NDST3: variants seen among roughly 807,000 people sequenced by gnomAD.
NDST3 encodes N-deacetylase and N-sulfotransferase 3.
NDST3 carries 58 observed loss-of-function variants against 96.1 expected under a neutral mutation model. The observed-to-expected ratio is 0.60, with a 90% CI of 0.49 to 0.75. The LOEUF (loss-of-function observed/expected upper bound fraction) is 0.75, where lower values mean the gene tolerates loss of function less well. NDST3 is among the 30% of genes least tolerant of loss of function. NDST3 has a pLI of 0.00. For synonymous variants in NDST3, 333 were observed against 359.7 expected (o/e 0.93, Z 0.84); for missense variants, 788 against 1,034.2 (o/e 0.76, Z 3.27).
intron 6 of NDST3, among the ~76,000 whole-genome samples, chr4:118,219,414 A>G (rs1038799027): frequency 6.6e-6 from 1 of 152,208 alleles, no homozygotes; most frequent in Non-Finnish European, 1.5e-5. Context: ...GATTATCAAC[A>G]CAACTGACAA....
At chr4:118,119,479 A>C (rs530391117) in intron 4 of NDST3, among the ~76,000 whole-genome samples, 1 of 152,282 alleles carries the variant, frequency 6.6e-6, no homozygotes, top group South Asian at 2.1e-4. Flanking sequence ...AGGTGTCCTA[A>C]TAGAGAATTC....
At chr4:118,042,121 G>C (rs1370035267) in intron 1 of NDST3, among the ~76,000 whole-genome samples, 1 of 152,036 alleles carries the variant, frequency 6.6e-6, no homozygotes, top group Non-Finnish European at 1.5e-5. Context: ...TTGTGATTTT[G>C]TTATCTAATC....
At chr4:118,249,641 A>T (rs1168123412) in intron 12 of NDST3, among the ~76,000 whole-genome samples, 1 of 152,098 alleles carries the variant, frequency 6.6e-6, no homozygotes, top group African/African-American at 2.4e-5. Flanking sequence ...ACAAAGTCAT[A>T]CAGAGGCAGA....
chr4:118,146,454 C>G (rs758951038), intron 6 of NDST3, among the ~76,000 whole-genome samples: 9 of 152,076 alleles, frequency 5.9e-5, no homozygotes, highest in Non-Finnish European at 1.2e-4. Flanking sequence ...CATATGTCAA[C>G]ATAATATCAA....
rs1045680693 is a variant in NDST3, at chr4:118,081,365, A to G, written c.982-23653A>G. ...GGACATAGCTCACAATTATGTGCATATAAAACTCAGTTTATTTTTTAAATG... is the reference window on the plus strand; with the variant it reads ...GGACATAGCTCACAATTATGTGCATGTAAAACTCAGTTTATTTTTTAAATG... On this transcript the variant is annotated intron_variant, in intron 2 of 13. Coordinates refer to ENST00000296499, the MANE Select transcript of NDST3 (RefSeq NM_004784.3). Among the ~76,000 whole-genome samples the G allele has an allele frequency of 3.9e-5, 6 of 152,180 alleles. No individual in the cohort carries two copies. The East Asian group carries it at 5.8e-4, about 15-fold the overall frequency.
chr4:118,228,382 A>G (rs1429918602), intron 8 of NDST3, among the ~76,000 whole-genome samples: 1 of 152,204 alleles, frequency 6.6e-6, no homozygotes, highest in Non-Finnish European at 1.5e-5. Flanking sequence ...TGCTTTAGAA[A>G]GTCCTGCAGG....
chr4:118,207,497 C>T lies in NDST3; in HGVS notation c.1540-16994C>T, dbSNP rs1319580978. On this transcript the variant is annotated intron_variant, in intron 6 of 13. Transcript: ENST00000296499. ...TCATCCCAATTTTGCCAAACAGGCA[C>T]CAAAATGCTTGGAGATTTATTGTTT... Among the ~76,000 whole-genome samples the T allele has an allele frequency of 3.5e-5, 5 of 144,922 alleles. 1 individual carries two copies. The highest frequency in any genetic ancestry group is 3.4e-4 in the Admixed American group (5 of 14,708).
chr4:118,128,011 T>A (rs10014096), intron 4 of NDST3, among the ~76,000 whole-genome samples: 1 of 151,838 alleles, frequency 6.6e-6, no homozygotes, highest in Non-Finnish European at 1.5e-5. Context: ...TATAGAAATG[T>A]TACTGGCTTT....
At chr4:118,076,123 C>T (rs1560625585) in intron 2 of NDST3, among the ~76,000 whole-genome samples, 1 of 152,064 alleles carries the variant, frequency 6.6e-6, no homozygotes, top group Non-Finnish European at 1.5e-5. Flanking sequence ...TGAAATGGGC[C>T]CCCAATCTTT....
chr4:118,123,161 T>C (rs1731747920), intron 4 of NDST3, among the ~76,000 whole-genome samples: 1 of 152,216 alleles, frequency 6.6e-6, no homozygotes, highest in African/African-American at 2.4e-5. Flanking sequence ...TTCTTGTGTT[T>C]GCGATCTCAG....
chr4:118,258,262 C>A lies in NDST3; in HGVS notation c.*2550C>A, dbSNP rs2126020163. On this transcript the variant is annotated 3_prime_UTR_variant, in exon 14 of 14. Transcript: ENST00000296499. ...GCAAACCTGTGAAAGGATTTTTGAC[C>A]ACTCAATGTGTCTTGAAGACAGCAT... 6.6e-6 allele frequency: 1 copy of A among 152,246 alleles called. No homozygotes were observed. The highest frequency in any genetic ancestry group is 2.1e-4 in the South Asian group (1 of 4,830). The allele number at this position is 152,246 out of a possible 1,614,324, so 9.4% of individuals were successfully genotyped here. A position where few individuals can be genotyped will look rare whatever the true frequency, so the allele number is the denominator to read the frequency against.
intron 2 of NDST3, among the ~76,000 whole-genome samples, chr4:118,088,460 G>A (rs528131682): frequency 2.0e-5 from 3 of 152,086 alleles, no homozygotes; most frequent in African/African-American, 7.2e-5. Flanking sequence ...TTTCTCAGCT[G>A]ACTCAAAATA....
intron 9 of NDST3, among the ~76,000 whole-genome samples, chr4:118,234,636 A>C (rs1325941298): frequency 1.3e-5 from 2 of 152,120 alleles, no homozygotes; most frequent in East Asian, 3.9e-4. Flanking sequence ...TTTTTGAAAA[A>C]TTTATGGTAA....
intron 6 of NDST3, among the ~76,000 whole-genome samples, chr4:118,170,427 G>C (rs764612178): frequency 6.6e-6 from 1 of 152,206 alleles, no homozygotes; most frequent in South Asian, 2.1e-4. Flanking sequence ...TAAAGAGAGA[G>C]ACCGGGCACC....
intron 1 of NDST3, among the ~76,000 whole-genome samples, chr4:118,035,565 T>C (rs559541447): frequency 3.6e-4 from 55 of 152,026 alleles, no homozygotes; most frequent in Non-Finnish European, 6.0e-4. Flanking sequence ...AAGGGAATTT[T>C]TTTCCCTTTT....
intron 6 of NDST3, among the ~76,000 whole-genome samples, chr4:118,175,052 A>T (rs13123277): frequency 0.061 from 9,308 of 152,140 alleles, 387 homozygotes; most frequent in Non-Finnish European, 0.093. Context: ...TACCTTGATA[A>T]TACCCCGTAT....
In NDST3 at chr4:118,119,657, G is replaced by A. The variant is rs140787786; in HGVS notation, c.1224+4697G>A. 8.8e-4 allele frequency among the ~76,000 whole-genome samples: 134 copies of A among 152,250 alleles called. 1 individual carries two copies. The East Asian group carries it at 0.024, about 27-fold the overall frequency. ...CTGAAGGAAATTCAAGAAGGCAAGA[G>A]GTAAAAGAGAAGACTAAGGGATATA... On this transcript the variant is annotated intron_variant, in intron 4 of 13. Transcript: ENST00000296499.
chr4:118,035,436 T>G (rs997389752), intron 1 of NDST3, among the ~76,000 whole-genome samples: 89 of 76,120 alleles, frequency 1.2e-3, no homozygotes, highest in African/African-American at 2.4e-3. Flanking sequence ...ACACTTTTTT[T>G]TTGTTTTTTT....
chr4:118,187,956 C>G (rs1737073963), intron 6 of NDST3, among the ~76,000 whole-genome samples: 1 of 152,140 alleles, frequency 6.6e-6, no homozygotes, highest in African/African-American at 2.4e-5. Flanking sequence ...TCTTCATATT[C>G]TAGATTATTA....
Sources: gnomAD v4.1 joint callset for allele counts (sites outside exome capture counted in the v4.1 genomes callset) on GRCh38, gnomAD v4.1.1 for gene constraint, MANE v1.5 for transcripts, NCBI Gene and HGNC (gene_info 2026-07-23, HGNC 2026-07-21) for gene names.